Variants in ARL13A observed in about 807,000 individuals in gnomAD.
ARL13A encodes ADP-ribosylation factor-like protein 13A.
ARL13A carries 16 observed loss-of-function variants against 19.1 expected under a neutral mutation model. The ratio of observed to expected loss-of-function variants is 0.84; its 90% CI spans 0.57 to 1.27. The LOEUF (loss-of-function observed/expected upper bound fraction) is 1.27, where lower values mean the gene tolerates loss of function less well. Ranked by LOEUF, ARL13A falls within the 50% of genes most tolerant of loss-of-function variation. The pLI, the probability that ARL13A is intolerant of heterozygous loss-of-function variation, is 0.00. For missense variants in ARL13A, 153 were observed against 186.4 expected (o/e 0.82, Z 1.04); for synonymous variants, 69 against 71.3 (o/e 0.97, Z 0.17).
intron 7 of ARL13A, chrX:100,990,342 T>TA: frequency 4.3e-6 from 4 of 924,057 alleles, no homozygotes; most frequent in Non-Finnish European, 5.3e-6. Flanking sequence ...ACAGAGAAAG[T>TA]AAAAGAAAGT....
chrX:100,977,094 G>A (rs1569461318), intron 3 of ARL13A, among the ~76,000 whole-genome samples: 1 of 111,472 alleles, frequency 9.0e-6, no homozygotes, highest in Non-Finnish European at 1.9e-5. Context: ...CGTGAGATAC[G>A]TTGATACAGG....
intron 3 of ARL13A, among the ~76,000 whole-genome samples, chrX:100,981,266 C>T (rs975321496): frequency 8.9e-6 from 1 of 112,082 alleles, no homozygotes; most frequent in African/African-American, 3.2e-5. Flanking sequence ...TGGACAATTT[C>T]CCTCTGGCTA....
intron 1 of ARL13A, among the ~76,000 whole-genome samples, chrX:100,970,992 C>T (rs773008545): frequency 8.9e-6 from 1 of 112,145 alleles, no homozygotes; most frequent in South Asian, 3.7e-4. Flanking sequence ...GAAAAGAAAA[C>T]ATATCCACAC....
intron 3 of ARL13A, among the ~76,000 whole-genome samples, chrX:100,977,820 T>C (rs1007711609): frequency 8.9e-6 from 1 of 112,583 alleles, no homozygotes; most frequent in African/African-American, 3.2e-5. Context: ...CCCGTGTTGC[T>C]GCAAATGACA....
intron 3 of ARL13A, among the ~76,000 whole-genome samples, chrX:100,984,102 T>C (rs778542002): frequency 1.4e-4 from 15 of 103,838 alleles, no homozygotes; most frequent in South Asian, 4.1e-4. Flanking sequence ...TTTTCCTTCT[T>C]TTTTTTTTGT....
chrX:100,977,337 C>T (rs374218065), intron 3 of ARL13A, among the ~76,000 whole-genome samples: 89 of 107,273 alleles, frequency 8.3e-4, no homozygotes, highest in Middle Eastern at 4.9e-3. Context: ...ACTATCCTTT[C>T]CACCCTGTAG....
chrX:100,984,639 G>A (rs1048416740), intron 3 of ARL13A, among the ~76,000 whole-genome samples: 6 of 112,378 alleles, frequency 5.3e-5, no homozygotes, highest in African/African-American at 1.9e-4. Context: ...AACACCTACT[G>A]TGTGTAAGGT....
Position 100,987,509 on chromosome X carries a change from A to C in ARL13A, c.606A>C (p.Ser202=). ...TCQLPPTSSI[S]ISKNNTGSGE... ...AACTACCACCTACCTCGAGCATCTC[A>C]ATCTCCAAGAATAACACAGGCTCTG... The change falls in exon 6 of 8, where the codon TCA becomes TCC. Residue 202 remains serine (S), a synonymous_variant. Coordinates refer to ENST00000450049, the MANE Select transcript of ARL13A (RefSeq NM_001162491.2). 8.3e-7 allele frequency: 1 copy of C among 1,211,273 alleles called. No homozygotes were observed. The highest frequency in any genetic ancestry group is 1.7e-5 in the African/African-American group (1 of 57,810).
chrX:100,974,265 C>T (rs2085726055), intron 3 of ARL13A, 68 bp downstream of exon 3: 13 of 860,441 alleles, frequency 1.5e-5, no homozygotes, highest in Non-Finnish European at 2.2e-5. Context: ...GTGAAATAAT[C>T]CTTCCTTCCT....
rs1191757758 is a variant in ARL13A at position 100,987,448 on chromosome X, G to A, written c.545G>A (p.Gly182Glu). The stretch of plus-strand genomic sequence containing the variant: ...AGAAACCATCAGCCCATAGTTGAAG[G>A]ACTGCGCTGGCTATTAGCTGTCATT... ...ERRNHQPIVE[G>E]LRWLLAVIDT... The change falls in exon 6 of 8, where the codon GGA becomes GAA. Residue 182 changes from glycine (G) to glutamate (E), a missense_variant. Coordinates refer to ENST00000450049, the MANE Select transcript of ARL13A (RefSeq NM_001162491.2). The A allele has an allele frequency of 4.1e-6, 5 of 1,210,989 alleles. No individual in the cohort carries two copies. The highest frequency in any genetic ancestry group is 5.6e-6 in the Non-Finnish European group (5 of 895,208).
chrX:100,973,582 G>T, intron 1 of ARL13A, 94 bp from the exon 2 acceptor site: 1 of 958,546 alleles, frequency 1.0e-6, no homozygotes, highest in Non-Finnish European at 1.5e-6. Flanking sequence ...CAGGCTTTCT[G>T]TTTATCAGCA....
At chrX:100,988,485 T>C (rs2085968270) in intron 7 of ARL13A, 1 of 1,179,847 alleles carries the variant, frequency 8.5e-7, no homozygotes, top group Non-Finnish European at 1.1e-6. Context: ...CTCAGAATAC[T>C]ACGAAGCTTT....
chrX:100,976,271 G>A (rs915320372), intron 3 of ARL13A, among the ~76,000 whole-genome samples: 1 of 110,013 alleles, frequency 9.1e-6, no homozygotes, highest in Non-Finnish European at 1.9e-5. Flanking sequence ...GCCAGCTTTT[G>A]GAAGCACTCA....
At chrX:100,984,448 G>A (rs2085909403) in intron 3 of ARL13A, among the ~76,000 whole-genome samples, 2 of 111,538 alleles carry the variant, frequency 1.8e-5, no homozygotes, top group African/African-American at 6.5e-5. Context: ...CAAGACTACC[G>A]TTTTCAACTC....
At chrX:100,983,812 T>TA (rs1261722355) in intron 3 of ARL13A, among the ~76,000 whole-genome samples, 1 of 111,710 alleles carries the variant, frequency 9.0e-6, no homozygotes, top group African/African-American at 3.3e-5. Context: ...AACATAATAA[T>TA]AATATATACA....
intron 3 of ARL13A, among the ~76,000 whole-genome samples, chrX:100,981,280 C>A (rs2085849995): frequency 8.9e-6 from 1 of 112,124 alleles, no homozygotes; most frequent in Non-Finnish European, 1.9e-5. Context: ...CTGGCTAGGG[C>A]TGGTCTAAAT....
At chrX:100,974,053 G>T in intron 2 of ARL13A, 74 bp from the exon 3 acceptor site, 1 of 824,658 alleles carries the variant, frequency 1.2e-6, no homozygotes, top group South Asian at 2.3e-5. Context: ...CAATAAGGAA[G>T]AGTATAACTC....
rs1370131751 is a variant in ARL13A at position 100,974,191 on chromosome X, C to T, written c.124C>T (p.Gln42Ter). 8.5e-7 allele frequency: 1 copy of T among 1,183,040 alleles called. No homozygotes were observed. The highest frequency in any genetic ancestry group is 1.1e-6 in the Non-Finnish European group (1 of 878,538). ...SGKTVLVEAF[Q>*]KLLPSKTDHC... ...CAAAACTGTTCTTGTGGAGGCATTCCAAAAATGTAAGGAACTAAGAGCATT... is the reference window on the plus strand; with the variant it reads ...CAAAACTGTTCTTGTGGAGGCATTCTAAAAATGTAAGGAACTAAGAGCATT... Residue 42 changes from glutamine to a stop codon, truncating the protein, a stop_gained, in exon 3 of 8, where the codon CAA becomes TAA. Coordinates refer to ENST00000450049, the MANE Select transcript of ARL13A (RefSeq NM_001162491.2). LOFTEE classifies it high-confidence loss of function.
At chrX:100,986,698 A>C (rs1247599429) in intron 4 of ARL13A, 98 bp from the exon 5 acceptor site, 6 of 506,203 alleles carry the variant, frequency 1.2e-5, no homozygotes, top group Non-Finnish European at 2.0e-5. Context: ...TTATAGTAGA[A>C]TTTGTTCTCC....
Sources: gnomAD v4.1 joint callset for allele counts (sites outside exome capture counted in the v4.1 genomes callset) on GRCh38, gnomAD v4.1.1 for gene constraint, MANE v1.5 for transcripts, NCBI Gene and HGNC (gene_info 2026-07-23, HGNC 2026-07-21) for gene names.